Variants in PHF14 observed in about 807,000 individuals in gnomAD.
The protein encoded by PHF14 is PHD finger protein 14.
Under a neutral mutation model 117.9 loss-of-function variants are expected in PHF14, and 55 were observed. The ratio of observed to expected loss-of-function variants is 0.47; its 90% CI spans 0.38 to 0.58. The LOEUF (loss-of-function observed/expected upper bound fraction) is 0.58. Among genes scored for constraint, PHF14 ranks in the 20% least tolerant of loss-of-function variants. The probability of loss-of-function intolerance (pLI) is 0.00; values close to 1 mark genes in which losing one functional copy is unlikely to be tolerated. For synonymous variants in PHF14, 409 were observed against 368.6 expected (o/e 1.11, Z -1.26); for missense variants, 978 against 1,122.2 (o/e 0.87, Z 1.84).
At chr7:11,151,222 C>A (rs1304679864) in intron 17 of PHF14, among the ~76,000 whole-genome samples, 3 of 152,034 alleles carry the variant, frequency 2.0e-5, no homozygotes, top group Admixed American at 1.3e-4. Context: ...ACTATGAAGT[C>A]ACTGACTTCT....
At chr7:11,168,269 A>G (rs1056915585) in intron 17 of PHF14, among the ~76,000 whole-genome samples, 6 of 152,186 alleles carry the variant, frequency 3.9e-5, no homozygotes, top group African/African-American at 1.4e-4. Flanking sequence ...TTGGTTGATA[A>G]TATTGATAAT....
intron 17 of PHF14, among the ~76,000 whole-genome samples, chr7:11,133,366 A>C (rs891020599): frequency 6.6e-6 from 1 of 151,970 alleles, no homozygotes; most frequent in Non-Finnish European, 1.5e-5. Context: ...TCAATGAAAC[A>C]GAATAGAGAG....
chr7:11,155,871 ATC>A (rs1788832078), intron 17 of PHF14, among the ~76,000 whole-genome samples: 1 of 151,930 alleles, frequency 6.6e-6, no homozygotes, highest in Non-Finnish European at 1.5e-5. Flanking sequence ...CTTGCTGGAG[ATC>A]TGTTTTCAAG....
chr7:11,012,729 A>G (rs1397030023), intron 4 of PHF14, among the ~76,000 whole-genome samples: 2 of 152,206 alleles, frequency 1.3e-5, no homozygotes, highest in Non-Finnish European at 2.9e-5. Context: ...CTCCTCTCAG[A>G]ATGTTGAGTT....
At chr7:11,104,496 T>G in intron 16 of PHF14, 1 of 980,808 alleles carries the variant, frequency 1.0e-6, no homozygotes, top group Non-Finnish European at 1.2e-6. Flanking sequence ...AAATATGTAC[T>G]AAATGATTCA....
intron 16 of PHF14, among the ~76,000 whole-genome samples, chr7:11,067,904 A>G (rs12112674): frequency 6.6e-6 from 1 of 152,032 alleles, no homozygotes; most frequent in East Asian, 1.9e-4. Context: ...GAGGAGGTCA[A>G]TAATCTCTTC....
chr7:10,982,411 A>G lies in PHF14; in HGVS notation c.152A>G (p.Lys51Arg). 3 of 1,575,064 alleles carry G rather than the reference A, an allele frequency of 1.9e-6. No individual in the cohort carries two copies. Among genetic ancestry groups the G allele is most frequent in the Non-Finnish European group, 2.6e-6 (3 of 1,167,540 alleles). ...GSGNGSEDAS[K>R]DSGEGSCSDS... ...GGTAATGGAAGTGAAGATGCTTCAAAGGACAGTGGAGAAGGTTCCTGTAGT... is the reference window on the plus strand; with the variant it reads ...GGTAATGGAAGTGAAGATGCTTCAAGGGACAGTGGAGAAGGTTCCTGTAGT... Residue 51 changes from lysine to arginine, a missense_variant, in exon 3 of 18, where the codon AAG becomes AGG. By Grantham distance (26) the Lys-to-Arg change is conservative (BLOSUM62 2). This residue lies in a region of PHF14 where 414 missense variants were observed against 376.4 expected (regional missense o/e 1.10). Transcript: ENST00000634607.
At chr7:11,154,834 T>G (rs1484410335) in intron 17 of PHF14, among the ~76,000 whole-genome samples, 3 of 152,130 alleles carry the variant, frequency 2.0e-5, no homozygotes, top group African/African-American at 7.2e-5. Flanking sequence ...ACCCACTTTA[T>G]TTATTTATTC....
chr7:11,031,192 TA>T lies in PHF14; in HGVS notation c.1455+2384del, dbSNP rs370195255. Among the ~76,000 whole-genome samples, 570 of 148,150 alleles carry T rather than the reference TA, an allele frequency of 3.8e-3. 4 individuals are homozygous for T. The highest frequency in any genetic ancestry group is 0.036 in the South Asian group (169 of 4,672). ...TTCATGGTGGTTTTATATAGGCTGT[TA>T]AAAAAAAAAGGTTGAAAAATAGAAT... On this transcript the variant is annotated intron_variant, in intron 7 of 17. Transcript: ENST00000634607.
chr7:11,053,048 C>T (rs1289794542), intron 14 of PHF14, among the ~76,000 whole-genome samples: 1 of 152,062 alleles, frequency 6.6e-6, no homozygotes, highest in Non-Finnish European at 1.5e-5. Context: ...CTGAGGCAGG[C>T]ACTTTTCAAA....
intron 6 of PHF14, among the ~76,000 whole-genome samples, chr7:11,026,241 C>A (rs1416801442): frequency 6.6e-6 from 1 of 152,132 alleles, no homozygotes; most frequent in Non-Finnish European, 1.5e-5. Context: ...TTATGACTTG[C>A]TGAAGGCTCA....
chr7:11,109,756 A>T (rs1787380903), intron 16 of PHF14: 1 of 152,004 alleles, frequency 6.6e-6, no homozygotes, highest in Admixed American at 6.6e-5. Flanking sequence ...ACTGCTTTTA[A>T]ATATATTTTT....
At chr7:11,020,679 A>G (rs1004498830) in intron 5 of PHF14, among the ~76,000 whole-genome samples, 1 of 149,140 alleles carries the variant, frequency 6.7e-6, no homozygotes, top group Non-Finnish European at 1.5e-5. Flanking sequence ...GTGCCTGACC[A>G]CTTCTTTCTT....
Position 11,101,437 on chromosome 7 carries a change from CA to C in PHF14, c.2655-9909del, listed in dbSNP as rs963254630. On this transcript the variant is annotated intron_variant, in intron 16 of 17. Coordinates refer to ENST00000634607, the MANE Select transcript of PHF14 (RefSeq NM_001007157.2). ...CAGAGTATCAGATTCAGAATGTGCT[CA>C]AAAGCTCTTCACTTAGAGACTGAAG... Among the ~76,000 whole-genome samples, 66 of 151,904 alleles carry C rather than the reference CA, an allele frequency of 4.3e-4. 1 individual carries two copies. The highest frequency in any genetic ancestry group is 1.6e-3 in the African/African-American group (65 of 41,500).
intron 17 of PHF14, among the ~76,000 whole-genome samples, chr7:11,120,918 A>G (rs951658971): frequency 2.0e-5 from 3 of 152,184 alleles, no homozygotes; most frequent in Non-Finnish European, 4.4e-5. Context: ...TAACAAGTGA[A>G]GAAATATCCA....
chr7:11,063,230 T>C, intron 16 of PHF14: 1 of 984,598 alleles, frequency 1.0e-6, no homozygotes, highest in African/African-American at 1.7e-5. Context: ...TTTGAGGTAG[T>C]TCATGTAGAG....
Position 10,982,771 on chromosome 7 carries a change from C to T in PHF14, c.512C>T (p.Thr171Ile). ...TCCCCTTCTGTTCCCACTACGACAA[C>T]CGCTACAGAGGAACAAGTCAGCGAG... ...NTSPSVPTTTTATEEQVSEPK... is the reference protein window; with the variant it reads ...NTSPSVPTTTIATEEQVSEPK... The change falls in exon 3 of 18, where the codon ACC (threonine) becomes ATC (isoleucine). Residue 171 changes from threonine to isoleucine, a missense_variant. Coordinates refer to ENST00000634607, the MANE Select transcript of PHF14 (RefSeq NM_001007157.2). 1.9e-6 allele frequency: 3 copies of T among 1,613,908 alleles called. No homozygotes were observed. The highest frequency in any genetic ancestry group is 1.1e-5 in the South Asian group (1 of 91,082).
At chr7:11,127,166 C>T (rs1181941599) in intron 17 of PHF14, among the ~76,000 whole-genome samples, 1 of 151,654 alleles carries the variant, frequency 6.6e-6, no homozygotes. Flanking sequence ...CTTCTATTCT[C>T]AGCAGCTCAG....
At chr7:11,095,662 T>C (rs74969979) in intron 16 of PHF14, among the ~76,000 whole-genome samples, 2,561 of 152,268 alleles carry the variant, frequency 0.017, 70 homozygotes, top group African/African-American at 0.058. Flanking sequence ...TTAAATTGTA[T>C]TCATTATCTA....
Sources: allele counts gnomAD v4.1 joint callset (sites outside exome capture counted in the v4.1 genomes callset), GRCh38; gene constraint gnomAD v4.1.1; regional missense constraint gnomAD v4.1.1; transcripts MANE v1.5; gene names NCBI Gene and HGNC (gene_info 2026-07-23, HGNC 2026-07-21).